CCNY: variants seen among roughly 807,000 people sequenced by gnomAD.
CCNY encodes cyclin-Y.
A neutral mutation model predicts 42.8 loss-of-function variants in CCNY; 19 were observed. That is an observed-to-expected ratio of 0.44 (90% CI 0.31 to 0.65). CCNY has a LOEUF of 0.65. Ranked by LOEUF, CCNY falls within the 30% of genes least tolerant of loss-of-function variation. The probability of loss-of-function intolerance (pLI) is 0.07; values close to 1 mark genes in which losing one functional copy is unlikely to be tolerated. For synonymous variants in CCNY, 165 were observed against 162.7 expected, an observed-to-expected ratio of 1.01 and a Z score of -0.11; for missense variants, 370 against 437.3, an observed-to-expected ratio of 0.85 and a Z score of 1.37.
At chr10:35,285,288 G>A (rs1454513356) in intron 3 of CCNY, among the ~76,000 whole-genome samples, 5 of 152,108 alleles carry the variant, frequency 3.3e-5, no homozygotes, top group Admixed American at 1.3e-4. Context: ...CGCCCACCTC[G>A]GCCTCCCAAA....
At chr10:35,426,376 G>C (rs1329684246) in intron 1 of CCNY, among the ~76,000 whole-genome samples, 1 of 152,186 alleles carries the variant, frequency 6.6e-6, no homozygotes, top group African/African-American at 2.4e-5. Context: ...TAGTGAAGAA[G>C]GAGACAGAAA....
At chr10:35,254,455 T>G (rs936947894) in intron 3 of CCNY, among the ~76,000 whole-genome samples, 1 of 152,162 alleles carries the variant, frequency 6.6e-6, no homozygotes, top group African/African-American at 2.4e-5. Context: ...GAGAATAGTG[T>G]GATGAATGCC....
chr10:35,267,976 A>G (rs2095727322), intron 3 of CCNY, among the ~76,000 whole-genome samples: 1 of 151,900 alleles, frequency 6.6e-6, no homozygotes, highest in Admixed American at 6.6e-5. Flanking sequence ...ACTGGAGTGC[A>G]GTGATGCAAT....
intron 2 of CCNY, among the ~76,000 whole-genome samples, chr10:35,484,230 A>G (rs1418583628): frequency 3.9e-5 from 6 of 152,244 alleles, no homozygotes; most frequent in African/African-American, 1.2e-4. Flanking sequence ...ACATGATTCT[A>G]TCCCTAACTT....
intron 1 of CCNY, among the ~76,000 whole-genome samples, chr10:35,434,559 C>T (rs146804291): frequency 6.6e-6 from 1 of 152,298 alleles, no homozygotes; most frequent in African/African-American, 2.4e-5. Flanking sequence ...ATTTTGAACT[C>T]TGTTTTTCTT....
chr10:35,383,953 A>AATAT (rs35693357), intron 1 of CCNY, among the ~76,000 whole-genome samples: 21 of 142,038 alleles, frequency 1.5e-4, no homozygotes, highest in East Asian at 7.8e-4. Flanking sequence ...TGAGAGTAAG[A>AATAT]ATATATATAT....
rs148724615 is a variant in CCNY, at chr10:35,460,241, C to T, written c.155-23163C>T. Among the ~76,000 whole-genome samples, 8 of 152,292 alleles carry T rather than the reference C, an allele frequency of 5.3e-5. No homozygotes were observed. The East Asian group carries it at 9.6e-4, about 18-fold the overall frequency. On this transcript the variant is annotated intron_variant, in intron 1 of 9. Coordinates refer to ENST00000374704, the MANE Select transcript of CCNY (RefSeq NM_145012.6). The stretch of plus-strand genomic sequence containing the variant: ...CCTCTTTTAAAAAATCTCTCTCTCT[C>T]GTATATCTCTATTTAGTTATTGAGA...
chr10:35,492,755 G>A (rs1266560705), intron 2 of CCNY, among the ~76,000 whole-genome samples: 2 of 152,226 alleles, frequency 1.3e-5, no homozygotes, highest in African/African-American at 2.4e-5. Flanking sequence ...GCCGTGGCAC[G>A]GTGGCAGTCT....
At chr10:35,553,273 T>TA in intron 8 of CCNY, 88 bp downstream of exon 8, 2 of 1,293,976 alleles carry the variant, frequency 1.5e-6, no homozygotes, top group Non-Finnish European at 2.1e-6. Flanking sequence ...ATGGTCTGTA[T>TA]AGCGCAGAAT....
chr10:35,337,429 C>A (rs578058576), intron 1 of CCNY, among the ~76,000 whole-genome samples: 1 of 152,308 alleles, frequency 6.6e-6, no homozygotes, highest in Non-Finnish European at 1.5e-5. Flanking sequence ...TGCAGGCCCG[C>A]GGCATCGAGC....
chr10:35,533,149 C>A (rs576487139), intron 7 of CCNY, among the ~76,000 whole-genome samples: 77 of 152,252 alleles, frequency 5.1e-4, no homozygotes, highest in Non-Finnish European at 7.6e-4. Context: ...CATCACCTCT[C>A]CGTTTAAGGC....
intron 1 of CCNY, among the ~76,000 whole-genome samples, chr10:35,424,895 C>G (rs1202221879): frequency 6.6e-6 from 1 of 152,164 alleles, no homozygotes; most frequent in African/African-American, 2.4e-5. Flanking sequence ...CCAGCCACAC[C>G]AGGTTGGGGA....
chr10:35,302,048 C>T (rs976566520), intron 3 of CCNY, among the ~76,000 whole-genome samples: 1 of 151,958 alleles, frequency 6.6e-6, no homozygotes, highest in South Asian at 2.1e-4. Context: ...ACTGCAACCT[C>T]CGCCTCCCAG....
intron 2 of CCNY, among the ~76,000 whole-genome samples, chr10:35,489,021 T>C (rs1243242949): frequency 6.6e-6 from 1 of 152,204 alleles, no homozygotes; most frequent in Non-Finnish European, 1.5e-5. Context: ...GGCTCACGCC[T>C]GTAATCCCAG....
chr10:35,516,478 T>G, intron 3 of CCNY, 45 bp from the exon 4 acceptor site: 8 of 1,317,038 alleles, frequency 6.1e-6, no homozygotes, highest in Non-Finnish European at 8.8e-6. Flanking sequence ...GGAAGAATTC[T>G]GAGCCCTGTG....
At chr10:35,417,584 T>G (rs997762023) in intron 1 of CCNY, among the ~76,000 whole-genome samples, 2 of 152,192 alleles carry the variant, frequency 1.3e-5, no homozygotes, top group Non-Finnish European at 2.9e-5. Flanking sequence ...CCTTAAGAGG[T>G]GTTTATAGAC....
chr10:35,549,559 C>G (rs1841200862), intron 7 of CCNY, among the ~76,000 whole-genome samples: 1 of 147,154 alleles, frequency 6.8e-6, no homozygotes, highest in Non-Finnish European at 1.5e-5. Context: ...GCTCGTGACC[C>G]TGCGCTGCTC....
intron 1 of CCNY, among the ~76,000 whole-genome samples, chr10:35,458,311 G>C (rs1267259777): frequency 6.6e-6 from 1 of 152,190 alleles, no homozygotes; most frequent in African/African-American, 2.4e-5. Context: ...GAGAATCTCA[G>C]CTTTCTCCCT....
intron 3 of CCNY, among the ~76,000 whole-genome samples, chr10:35,295,821 A>G (rs999854480): frequency 2.6e-5 from 4 of 152,120 alleles, no homozygotes; most frequent in African/African-American, 9.7e-5. Context: ...TCAAAACTTC[A>G]TTTCTTTTTA....
Sources: allele counts gnomAD v4.1 joint callset (sites outside exome capture counted in the v4.1 genomes callset), GRCh38; gene constraint gnomAD v4.1.1; transcripts MANE v1.5; gene names NCBI Gene and HGNC (gene_info 2026-07-23, HGNC 2026-07-21).